The following KCNQ1OT1 variants were observed in gnomAD, a reference collection of about 807,000 sequenced individuals.
KCNQ1OT1 encodes KCNQ1 antisense RNA 2 (non-protein coding).
rs991846655 is a variant in KCNQ1OT1, at chr11:2,623,850, G to A, written n.76145C>T. 1.5e-5 allele frequency: 6 copies of A among 398,458 alleles called. No homozygotes were observed. Among genetic ancestry groups the A allele is most frequent in the African/African-American group, 4.1e-5 (2 of 48,674 alleles). 24.7% of individuals were successfully genotyped at this position (398,458 alleles called of 1,614,324 possible). A position where few individuals can be genotyped will look rare whatever the true frequency, so the allele number is the denominator to read the frequency against. On this transcript the variant is annotated non_coding_transcript_exon_variant, in exon 1 of 1. Coordinates refer to ENST00000597346, the Ensembl canonical transcript of KCNQ1OT1. This position sits in a 1 kb window ranked among gnomAD's most constrained non-coding sequence, Gnocchi z 5.2. ...AATTTTATAAGAAACCACTGATTTCGATATACTCTGGATTCTTCGGGGGAT... is the reference window on the plus strand; with the variant it reads ...AATTTTATAAGAAACCACTGATTTCAATATACTCTGGATTCTTCGGGGGAT...
In KCNQ1OT1 at chr11:2,690,553, G is replaced by A; in HGVS notation, n.9442C>T. The A allele has an allele frequency of 2.5e-6, 1 of 398,674 alleles. No individual in the cohort carries two copies. The highest frequency in any genetic ancestry group is 4.4e-6 in the Non-Finnish European group (1 of 226,098). 24.7% of individuals were successfully genotyped at this position (398,674 alleles called of 1,614,324 possible). ...CACTGGGCCTAGGGAAGGACAAGAA[G>A]TAACATGTCAAAGATGGGACAGAAC... On this transcript the variant is annotated non_coding_transcript_exon_variant, in exon 1 of 1. Transcript: ENST00000597346. This position sits in a 1 kb window ranked among gnomAD's most constrained non-coding sequence, Gnocchi z 5.1.
Position 2,673,276 on chromosome 11 carries a change from C to T in KCNQ1OT1, n.26719G>A, listed in dbSNP as rs780922045. 5.0e-6 allele frequency: 2 copies of T among 398,602 alleles called. No individual in the cohort carries two copies. The highest frequency in any genetic ancestry group is 8.8e-6 in the Non-Finnish European group (2 of 226,112). 24.7% of individuals were successfully genotyped at this position (398,602 alleles called of 1,614,324 possible). A position where few individuals can be genotyped will look rare whatever the true frequency, so the allele number is the denominator to read the frequency against. Reference sequence around the variant, plus strand: ...CAGACTGCAAAGCCTCAGCCACCTTCTCCCCTAGAAGAAATCTTGAGAGAA... The same window carrying T: ...CAGACTGCAAAGCCTCAGCCACCTTTTCCCCTAGAAGAAATCTTGAGAGAA... On this transcript the variant is annotated non_coding_transcript_exon_variant, in exon 1 of 1. Transcript: ENST00000597346. This position sits in a 1 kb window ranked among gnomAD's most constrained non-coding sequence, Gnocchi z 4.5.
At chr11:2,688,206 T>C in exon 1 of KCNQ1OT1, 1 of 398,788 alleles carries the variant, frequency 2.5e-6, no homozygotes. Context: ...GGGGCTGCAC[T>C]GAGCCCACCA....
rs1849140522 is a variant in KCNQ1OT1 at position 2,620,088 on chromosome 11, A to G, written n.79907T>C. The G allele has an allele frequency of 7.5e-6, 3 of 398,130 alleles. No homozygotes were observed. In the South Asian group the frequency reaches 3.8e-4, roughly 51 times the overall value. 24.7% of individuals were successfully genotyped at this position (398,130 alleles called of 1,614,324 possible). The stretch of plus-strand genomic sequence containing the variant: ...CATGTTTACTCAGTGTTTAGGTCCC[A>G]CTTGCAAGTGGTAACATGCAGTATT... On this transcript the variant is annotated non_coding_transcript_exon_variant, in exon 1 of 1. Coordinates refer to ENST00000597346, the Ensembl canonical transcript of KCNQ1OT1. The surrounding 1 kb of genome is among the most constrained non-coding windows in gnomAD (Gnocchi z 4.5).
chr11:2,690,560 G>A lies in KCNQ1OT1; in HGVS notation n.9435C>T. On this transcript the variant is annotated non_coding_transcript_exon_variant, in exon 1 of 1. Transcript: ENST00000597346. The surrounding 1 kb of genome is among the most constrained non-coding windows in gnomAD (Gnocchi z 5.1). Reference sequence around the variant, plus strand: ...CCTAGGGAAGGACAAGAAGTAACATGTCAAAGATGGGACAGAACCCACCTC... The same window carrying A: ...CCTAGGGAAGGACAAGAAGTAACATATCAAAGATGGGACAGAACCCACCTC... 2.5e-6 allele frequency: 1 copy of A among 398,684 alleles called. No homozygotes were observed. The allele number at this position is 398,684 out of a possible 1,614,324, so 24.7% of individuals were successfully genotyped here.
In KCNQ1OT1 at chr11:2,611,957, TG is replaced by T. The variant is rs1733336802; in HGVS notation, n.88037del. 11 of 398,682 alleles carry T rather than the reference TG, an allele frequency of 2.8e-5. No individual in the cohort carries two copies. The highest frequency in any genetic ancestry group is 4.9e-5 in the Non-Finnish European group (11 of 226,078). 24.7% of individuals were successfully genotyped at this position (398,682 alleles called of 1,614,324 possible). A position where few individuals can be genotyped will look rare whatever the true frequency, so the allele number is the denominator to read the frequency against. ...GGTTAATAATCTACTCAAATATTTT[TG>T]TCTGCCCTATTCTCTCCTTCTCAGT... On this transcript the variant is annotated non_coding_transcript_exon_variant, in exon 1 of 1. Transcript: ENST00000597346. This position sits in a 1 kb window ranked among gnomAD's most constrained non-coding sequence, Gnocchi z 5.3.
chr11:2,689,394 C>A (rs7127825), exon 1 of KCNQ1OT1: 10,446 of 398,620 alleles, frequency 0.026, 412 homozygotes, highest in East Asian at 0.095. Flanking sequence ...TGGAAGAAGC[C>A]CACTCTTGGG....
Position 2,690,313 on chromosome 11 carries a change from G to A in KCNQ1OT1, n.9682C>T, listed in dbSNP as rs774155339. 1.8e-5 allele frequency: 7 copies of A among 398,572 alleles called. No homozygotes were observed. The highest frequency in any genetic ancestry group is 2.7e-5 in the Non-Finnish European group (6 of 226,102). 24.7% of individuals were successfully genotyped at this position (398,572 alleles called of 1,614,324 possible). On this transcript the variant is annotated non_coding_transcript_exon_variant, in exon 1 of 1. Transcript: ENST00000597346. The surrounding 1 kb of genome is among the most constrained non-coding windows in gnomAD (Gnocchi z 5.1). ...CTTCCTCCCTGTAGGATTGTCACAAGGATTAAATGATGTCAAGTCTGAGGC... is the reference window on the plus strand; with the variant it reads ...CTTCCTCCCTGTAGGATTGTCACAAAGATTAAATGATGTCAAGTCTGAGGC...
rs1183860197 is a variant in KCNQ1OT1 at position 2,613,004 on chromosome 11, T to A, written n.86991A>T. ...GGTGTCTTTGCTCAGTTTTGTTTGT[T>A]TTAATTCTTATGTTTGTTTTGTAAG... On this transcript the variant is annotated non_coding_transcript_exon_variant, in exon 1 of 1. Coordinates refer to ENST00000597346, the Ensembl canonical transcript of KCNQ1OT1. This position sits in a 1 kb window ranked among gnomAD's most constrained non-coding sequence, Gnocchi z 4.8. The A allele has an allele frequency of 7.5e-6, 3 of 398,512 alleles. No individual in the cohort carries two copies. The highest frequency in any genetic ancestry group is 1.3e-5 in the Non-Finnish European group (3 of 226,108). The allele number at this position is 398,512 out of a possible 1,614,324, so 24.7% of individuals were successfully genotyped here.
In KCNQ1OT1 at chr11:2,617,350, T is replaced by C; in HGVS notation, n.82645A>G. The C allele has an allele frequency of 5.0e-6, 2 of 398,438 alleles. No individual in the cohort carries two copies. The highest frequency in any genetic ancestry group is 8.9e-6 in the Non-Finnish European group (2 of 225,922). 24.7% of individuals were successfully genotyped at this position (398,438 alleles called of 1,614,324 possible). The stretch of plus-strand genomic sequence containing the variant: ...TAAAACTTTTCATTTGTATATGGCT[T>C]ATTTAACTTAGCACAATGTCTTCCA... On this transcript the variant is annotated non_coding_transcript_exon_variant, in exon 1 of 1. Coordinates refer to ENST00000597346, the Ensembl canonical transcript of KCNQ1OT1. The surrounding 1 kb of genome is among the most constrained non-coding windows in gnomAD (Gnocchi z 4.6).
rs1006236568 is a variant in KCNQ1OT1 at position 2,645,613 on chromosome 11, T to A, written n.54382A>T. ...ATGCTTCGGCCCCAGGTGGTGACTA[T>A]GGGCAGGGTCACCTTTCCTCATGGC... On this transcript the variant is annotated non_coding_transcript_exon_variant, in exon 1 of 1. Coordinates refer to ENST00000597346, the Ensembl canonical transcript of KCNQ1OT1. This position sits in a 1 kb window ranked among gnomAD's most constrained non-coding sequence, Gnocchi z 5.8. 2.5e-6 allele frequency: 1 copy of A among 398,716 alleles called. No individual in the cohort carries two copies. 24.7% of individuals were successfully genotyped at this position (398,716 alleles called of 1,614,324 possible). A position where few individuals can be genotyped will look rare whatever the true frequency, so the allele number is the denominator to read the frequency against.
chr11:2,631,997 A>G lies in KCNQ1OT1; in HGVS notation n.67998T>C, dbSNP rs575977607. Reference sequence around the variant, plus strand: ...GGAGATCGAGACCATCCTGGCTAACATGGTGAAACCCCATCTCTACTAAAA... The same window carrying G: ...GGAGATCGAGACCATCCTGGCTAACGTGGTGAAACCCCATCTCTACTAAAA... On this transcript the variant is annotated non_coding_transcript_exon_variant, in exon 1 of 1. Coordinates refer to ENST00000597346, the Ensembl canonical transcript of KCNQ1OT1. 59 of 396,286 alleles carry G rather than the reference A, an allele frequency of 1.5e-4. No homozygotes were observed. In the East Asian group the frequency reaches 1.9e-3, roughly 13 times the overall value. The allele number at this position is 396,286 out of a possible 1,614,324, so 24.5% of individuals were successfully genotyped here.
rs1849815635 is a variant in KCNQ1OT1 at position 2,654,860 on chromosome 11, G to A, written n.45135C>T. On this transcript the variant is annotated non_coding_transcript_exon_variant, in exon 1 of 1. Coordinates refer to ENST00000597346, the Ensembl canonical transcript of KCNQ1OT1. This position sits in a 1 kb window ranked among gnomAD's most constrained non-coding sequence, Gnocchi z 6.4. ...AGCCTCATGGGCAGCTCCAGGCCAGGTGGAGGGACATATTCTGGCAACTCT... is the reference window on the plus strand; with the variant it reads ...AGCCTCATGGGCAGCTCCAGGCCAGATGGAGGGACATATTCTGGCAACTCT... 2.5e-6 allele frequency: 1 copy of A among 398,528 alleles called. No individual in the cohort carries two copies. The highest frequency in any genetic ancestry group is 2.1e-5 in the African/African-American group (1 of 48,604). The allele number at this position is 398,528 out of a possible 1,614,324, so 24.7% of individuals were successfully genotyped here. A position where few individuals can be genotyped will look rare whatever the true frequency, so the allele number is the denominator to read the frequency against.
chr11:2,695,219 A>C lies in KCNQ1OT1; in HGVS notation n.4776T>G. On this transcript the variant is annotated non_coding_transcript_exon_variant, in exon 1 of 1. Coordinates refer to ENST00000597346, the Ensembl canonical transcript of KCNQ1OT1. The surrounding 1 kb of genome is among the most constrained non-coding windows in gnomAD (Gnocchi z 5.2). ...ACACTGTCACCCTGTAAGGGTCTGCATAAAGTCACCGCTCTCTTCCTCTCC... is the reference window on the plus strand; with the variant it reads ...ACACTGTCACCCTGTAAGGGTCTGCCTAAAGTCACCGCTCTCTTCCTCTCC... The C allele has an allele frequency of 5.0e-6, 2 of 398,626 alleles. No individual in the cohort carries two copies. Among genetic ancestry groups the C allele is most frequent in the Non-Finnish European group, 8.8e-6 (2 of 226,098 alleles). The allele number at this position is 398,626 out of a possible 1,614,324, so 24.7% of individuals were successfully genotyped here. A position where few individuals can be genotyped will look rare whatever the true frequency, so the allele number is the denominator to read the frequency against.
In KCNQ1OT1 at chr11:2,608,767, G is replaced by A. The variant is rs1404894186; in HGVS notation, n.91228C>T. 2.5e-6 allele frequency: 1 copy of A among 398,554 alleles called. No individual in the cohort carries two copies. The highest frequency in any genetic ancestry group is 3.6e-5 in the East Asian group (1 of 28,096). The allele number at this position is 398,554 out of a possible 1,614,324, so 24.7% of individuals were successfully genotyped here. A position where few individuals can be genotyped will look rare whatever the true frequency, so the allele number is the denominator to read the frequency against. ...GCCTCCCAAAGTGCTGGGATTACAGGTGTGAGCCACTGCAGCTAGCCTCGT... is the reference window on the plus strand; with the variant it reads ...GCCTCCCAAAGTGCTGGGATTACAGATGTGAGCCACTGCAGCTAGCCTCGT... On this transcript the variant is annotated non_coding_transcript_exon_variant, in exon 1 of 1. Coordinates refer to ENST00000597346, the Ensembl canonical transcript of KCNQ1OT1. This position sits in a 1 kb window ranked among gnomAD's most constrained non-coding sequence, Gnocchi z 4.6.
At chr11:2,697,029 C>T (rs1198694976) in exon 1 of KCNQ1OT1, 2 of 398,248 alleles carry the variant, frequency 5.0e-6, no homozygotes, top group Non-Finnish European at 8.8e-6. Flanking sequence ...TCCAGAGAGC[C>T]CCCCAGACCC....
exon 1 of KCNQ1OT1, chr11:2,609,812 C>T (rs1365315934): frequency 1.5e-5 from 6 of 397,958 alleles, no homozygotes; most frequent in Non-Finnish European, 2.7e-5. Flanking sequence ...TTTAAAATCT[C>T]CTTTGACTTT....
chr11:2,694,199 C>T (rs1850634995), exon 1 of KCNQ1OT1: 3 of 398,660 alleles, frequency 7.5e-6, no homozygotes, highest in Non-Finnish European at 1.3e-5. Flanking sequence ...GTCTTTCTCA[C>T]CGAGGTGGTG....
Position 2,611,350 on chromosome 11 carries a change from G to A in KCNQ1OT1, n.88645C>T. 1 of 397,496 alleles carries A rather than the reference G, an allele frequency of 2.5e-6. No homozygotes were observed. The allele number at this position is 397,496 out of a possible 1,614,324, so 24.6% of individuals were successfully genotyped here. ...TTCTCTTGCCTCAGCATCCCAAGTA[G>A]CTGGGACTACAGGCATTTGCCACCA... On this transcript the variant is annotated non_coding_transcript_exon_variant, in exon 1 of 1. Coordinates refer to ENST00000597346, the Ensembl canonical transcript of KCNQ1OT1. This position sits in a 1 kb window ranked among gnomAD's most constrained non-coding sequence, Gnocchi z 5.3.
Sources: allele counts gnomAD v4.1 joint callset, GRCh38; gene constraint gnomAD v4.1.1; non-coding constraint Gnocchi (gnomAD v3.1); transcripts MANE v1.5; gene names NCBI Gene and HGNC (gene_info 2026-07-23, HGNC 2026-07-21).